The following ZNF35 variants were observed in gnomAD, a reference collection of about 807,000 sequenced individuals.
ZNF35 encodes the protein zinc finger protein 35 (clone HF.10).
Under a neutral mutation model 45.9 loss-of-function variants are expected in ZNF35, and 31 were observed. The ratio of observed to expected loss-of-function variants is 0.68; its 90% CI spans 0.51 to 0.91. The LOEUF is 0.91. ZNF35 is among the 40% of genes least tolerant of loss of function. The pLI, the probability that ZNF35 is intolerant of heterozygous loss-of-function variation, is 0.00. For missense variants in ZNF35, 515 were observed against 625.4 expected, an observed-to-expected ratio of 0.82 and a Z score of 1.88; for synonymous variants, 205 against 220.2, an observed-to-expected ratio of 0.93 and a Z score of 0.61.
chr3:44,652,647 G>C lies in ZNF35; in HGVS notation c.283G>C (p.Gly95Arg). The change falls in exon 3 of 4, where the codon GGG becomes CGG. Residue 95 changes from glycine to arginine, a missense_variant. Physicochemically the swap from Gly to Arg is moderately radical, Grantham distance 125. Coordinates refer to ENST00000396056, the MANE Select transcript of ZNF35 (RefSeq NM_003420.4). Reference protein sequence around the residue: ...ASTLGSYSLPGTLAKSEILET... With the variant: ...ASTLGSYSLPRTLAKSEILET... ...AACCCTTGGCAGCTACTCATTACCA[G>C]GGACTCTGGCCAAGAGTGAGATACT... is the stretch of plus-strand genomic sequence containing the variant. 6.2e-7 allele frequency: 1 copy of C among 1,611,306 alleles called. No homozygotes were observed. The highest frequency in any genetic ancestry group is 8.5e-7 in the Non-Finnish European group (1 of 1,178,916).
chr3:44,646,826 G>A (rs535209600), upstream of ZNF35: 2 of 325,186 alleles, frequency 6.2e-6, no homozygotes, highest in Non-Finnish European at 1.1e-5. Context: ...TTTTGACAGG[G>A]GCAAAAGCAA....
Position 44,659,880 on chromosome 3 carries a change from AGT to A in ZNF35, c.1521_1522del (p.Cys507TrpfsTer15), listed in dbSNP as rs1703372230. 5 of 1,604,470 alleles carry A rather than the reference AGT, an allele frequency of 3.1e-6. No individual in the cohort carries two copies. Among genetic ancestry groups the A allele is most frequent in the Non-Finnish European group, 4.3e-6 (5 of 1,174,932 alleles). On this transcript the variant is annotated frameshift_variant, in exon 4 of 4. Coordinates refer to ENST00000396056, the MANE Select transcript of ZNF35 (RefSeq NM_003420.4). LOFTEE classifies it high-confidence loss of function. This position sits in a 1 kb window ranked among gnomAD's most constrained non-coding sequence, Gnocchi z 4.3. ...GGGGAGAAGCCCTATGAATGTGAGA[AGT>A]GTGGTGCAGCTTTCATTTCCAACTC...
chr3:44,651,981 A>G (rs1183045661), intron 2 of ZNF35, among the ~76,000 whole-genome samples: 1 of 152,182 alleles, frequency 6.6e-6, no homozygotes, highest in East Asian at 1.9e-4. Context: ...GTTCTTGTTA[A>G]AACAGTTAAA....
At chr3:44,649,916 A>C (rs1405052152) in intron 1 of ZNF35, among the ~76,000 whole-genome samples, 1 of 152,234 alleles carries the variant, frequency 6.6e-6, no homozygotes, top group Non-Finnish European at 1.5e-5. Flanking sequence ...ACGGAAATTG[A>C]GTTAAAAAAC....
chr3:44,660,118 T>A lies in ZNF35; in HGVS notation c.*171T>A. 2.9e-6 allele frequency: 2 copies of A among 682,250 alleles called. No homozygotes were observed. The highest frequency in any genetic ancestry group is 4.4e-6 in the Non-Finnish European group (2 of 450,678). 42.3% of individuals were successfully genotyped at this position (682,250 alleles called of 1,614,324 possible). On this transcript the variant is annotated 3_prime_UTR_variant, in exon 4 of 4. Transcript: ENST00000396056. ...CAAGAAAAGCATTTCAGAGGCTAAT[T>A]TAAAACAAAAAGTAAGCACCTAAAG...
chr3:44,650,822 T>C (rs1021605709), intron 1 of ZNF35, 119 bp from the exon 2 acceptor site: 1 of 425,184 alleles, frequency 2.4e-6, no homozygotes, highest in African/African-American at 2.0e-5. Context: ...GGATTCCATG[T>C]CCTACATTGG....
intron 2 of ZNF35, 99 bp downstream of exon 2, chr3:44,651,358 A>G: frequency 8.7e-7 from 1 of 1,150,412 alleles, no homozygotes; most frequent in Non-Finnish European, 1.2e-6. Flanking sequence ...CTGGAGTCTT[A>G]TTTCTTGGGT....
At position 44,658,751 on chromosome 3, in the gene ZNF35, G is replaced by C; in HGVS notation, c.388G>C (p.Glu130Gln). The C allele has an allele frequency of 6.3e-7, 1 of 1,591,136 alleles. No homozygotes were observed. Among genetic ancestry groups the C allele is most frequent in the Non-Finnish European group, 8.5e-7 (1 of 1,174,624 alleles). Residue 130 changes from glutamate to glutamine, a missense_variant, in exon 4 of 4, where the codon GAG (glutamate) becomes CAG (glutamine). Transcript: ENST00000396056. ...ACTGGTTCCAAAAACTGAGATATGTGAGGAAGCTGAAAAACCCCTCATCAT... is the reference window on the plus strand; with the variant it reads ...ACTGGTTCCAAAAACTGAGATATGTCAGGAAGCTGAAAAACCCCTCATCAT... ...QLLVPKTEIC[E>Q]EAEKPLIISE...
Position 44,660,178 on chromosome 3 carries a change from C to G in ZNF35, c.*231C>G. 1 of 391,422 alleles carries G rather than the reference C, an allele frequency of 2.6e-6. No individual in the cohort carries two copies. The highest frequency in any genetic ancestry group is 4.5e-6 in the Non-Finnish European group (1 of 221,820). The allele number at this position is 391,422 out of a possible 1,614,324, so 24.2% of individuals were successfully genotyped here. ...TTGTTTTAACTGTACCTTAAGCGGT[C>G]ATGTTCTCTGAAGTGGAATGTGGCT... On this transcript the variant is annotated 3_prime_UTR_variant, in exon 4 of 4. Coordinates refer to ENST00000396056, the MANE Select transcript of ZNF35 (RefSeq NM_003420.4).
chr3:44,647,407 A>G (rs1703017695), upstream of ZNF35: 1 of 152,150 alleles, frequency 6.6e-6, no homozygotes, highest in Non-Finnish European at 1.5e-5. Flanking sequence ...TTCTTGTAAA[A>G]CCACACATGT....
At chr3:44,649,785 A>G (rs952146119) in intron 1 of ZNF35, among the ~76,000 whole-genome samples, 2 of 152,214 alleles carry the variant, frequency 1.3e-5, no homozygotes, top group African/African-American at 4.8e-5. Context: ...TACTAAATAA[A>G]TGGTTCATAA....
intron 3 of ZNF35, among the ~76,000 whole-genome samples, chr3:44,654,997 G>A (rs1703271848): frequency 6.6e-6 from 1 of 152,116 alleles, no homozygotes; most frequent in Non-Finnish European, 1.5e-5. Flanking sequence ...AGCCAGGCAT[G>A]GTGGTGCGTG....
At chr3:44,651,848 A>G (rs75703549) in intron 2 of ZNF35, among the ~76,000 whole-genome samples, 10 of 151,736 alleles carry the variant, frequency 6.6e-5, no homozygotes, top group Non-Finnish European at 1.5e-4. Context: ...AAAAAAAAAA[A>G]GAATCTAAGG....
rs186710231 is a variant in ZNF35, at chr3:44,651,040, A to G, written c.-28A>G. The G allele has an allele frequency of 1.9e-5, 30 of 1,606,568 alleles. No homozygotes were observed. Among genetic ancestry groups the G allele is most frequent in the East Asian group, 1.3e-4 (6 of 44,800 alleles). Reference sequence around the variant, plus strand: ...GACCTCTGCAGGGCAGCGCCCAGCTATAGGAGTTCCCCTGCTGAGCAGAGA... The same window carrying G: ...GACCTCTGCAGGGCAGCGCCCAGCTGTAGGAGTTCCCCTGCTGAGCAGAGA... On this transcript the variant is annotated 5_prime_UTR_variant, in exon 2 of 4. Transcript: ENST00000396056.
intron 1 of ZNF35, among the ~76,000 whole-genome samples, chr3:44,649,676 C>T (rs1268965046): frequency 1.3e-5 from 2 of 151,444 alleles, no homozygotes; most frequent in Non-Finnish European, 2.9e-5. Flanking sequence ...AATCCTTGAA[C>T]CAGTAATTCT....
At chr3:44,651,966 T>G (rs576234529) in intron 2 of ZNF35, among the ~76,000 whole-genome samples, 92 of 152,282 alleles carry the variant, frequency 6.0e-4, no homozygotes, top group African/African-American at 2.1e-3. Flanking sequence ...AGGAATCACC[T>G]AGGGGTTCTT....
chr3:44,655,663 C>G (rs1241066333), intron 3 of ZNF35, among the ~76,000 whole-genome samples: 1 of 152,236 alleles, frequency 6.6e-6, no homozygotes, highest in East Asian at 1.9e-4. Flanking sequence ...TTGAACTTGA[C>G]TATACCAGAT....
chr3:44,654,816 C>T (rs532739449), intron 3 of ZNF35, among the ~76,000 whole-genome samples: 2 of 152,212 alleles, frequency 1.3e-5, no homozygotes, highest in East Asian at 1.9e-4. Flanking sequence ...TTCAGTTAAG[C>T]TTCAAATTTT....
intron 3 of ZNF35, among the ~76,000 whole-genome samples, chr3:44,655,467 G>A (rs1175853134): frequency 6.6e-6 from 1 of 150,654 alleles, no homozygotes; most frequent in African/African-American, 2.4e-5. Flanking sequence ...CTATGGCTAT[G>A]CCTGTGTTCT....
Sources: gnomAD v4.1 joint callset for allele counts (sites outside exome capture counted in the v4.1 genomes callset) on GRCh38, gnomAD v4.1.1 for gene constraint, Gnocchi (gnomAD v3.1) non-coding constraint, MANE v1.5 for transcripts, NCBI Gene and HGNC (gene_info 2026-07-23, HGNC 2026-07-21) for gene names.